SHROOM2: variants seen among roughly 807,000 people sequenced by gnomAD.
SHROOM2 encodes protein Shroom2.
SHROOM2 carries 33 observed loss-of-function variants against 75.9 expected under a neutral mutation model. That is an observed-to-expected ratio of 0.43 (90% confidence interval 0.33 to 0.58). SHROOM2 has a LOEUF of 0.58. SHROOM2 is among the 20% of genes least tolerant of loss of function. The pLI, the probability that SHROOM2 is intolerant of heterozygous loss-of-function variation, is 0.04. For missense variants in SHROOM2, 1,434 were observed against 1,461.2 expected (o/e 0.98, Z 0.30); for synonymous variants, 655 against 663.6 (o/e 0.99, Z 0.20).
intron 2 of SHROOM2, among the ~76,000 whole-genome samples, chrX:9,881,978 G>C: frequency 8.9e-6 from 1 of 111,813 alleles, no homozygotes; most frequent in Non-Finnish European, 1.9e-5. Context: ...ATTATTATGG[G>C]CTTTATGTAA....
chrX:9,930,187 A>T (rs983306365), intron 5 of SHROOM2, among the ~76,000 whole-genome samples: 1 of 111,573 alleles, frequency 9.0e-6, no homozygotes, highest in African/African-American at 3.3e-5. Flanking sequence ...GTGCAAGTGT[A>T]CCTCAACTCT....
At chrX:9,857,004 A>G (rs1036416887) in intron 1 of SHROOM2, among the ~76,000 whole-genome samples, 9 of 112,257 alleles carry the variant, frequency 8.0e-5, no homozygotes, top group Non-Finnish European at 1.5e-4. Context: ...GGATCCTCTG[A>G]TATTAGTAAT....
intron 1 of SHROOM2, among the ~76,000 whole-genome samples, chrX:9,860,542 G>A (rs2084097954): frequency 9.0e-6 from 1 of 111,460 alleles, no homozygotes; most frequent in Admixed American, 9.5e-5. Context: ...TCTTGCCTTA[G>A]CCTCCTGAGT....
intron 3 of SHROOM2, 56 bp downstream of exon 3, chrX:9,891,164 G>T: frequency 8.8e-7 from 1 of 1,134,237 alleles, no homozygotes; most frequent in Middle Eastern, 2.4e-4. Context: ...TGCAGGGAGC[G>T]CACTCCTGAC....
intron 3 of SHROOM2, among the ~76,000 whole-genome samples, chrX:9,892,506 T>G (rs779762413): frequency 4.5e-5 from 5 of 111,528 alleles, no homozygotes; most frequent in African/African-American, 1.6e-4. Context: ...TGAAGTGACT[T>G]AAGGTGATGA....
chrX:9,918,871 T>C (rs1157225097), intron 5 of SHROOM2, among the ~76,000 whole-genome samples: 1 of 111,994 alleles, frequency 8.9e-6, no homozygotes, highest in Non-Finnish European at 1.9e-5. Context: ...GCTCCACCTC[T>C]TCATCCTATC....
At chrX:9,867,590 A>G (rs2084147632) in intron 1 of SHROOM2, among the ~76,000 whole-genome samples, 2 of 111,418 alleles carry the variant, frequency 1.8e-5, no homozygotes, top group Non-Finnish European at 3.8e-5. Context: ...GCTATCACGC[A>G]TGCGGCACCT....
intron 1 of SHROOM2, among the ~76,000 whole-genome samples, chrX:9,804,709 G>A (rs1230483926): frequency 9.0e-6 from 1 of 111,515 alleles, no homozygotes; most frequent in South Asian, 3.8e-4. Context: ...CTGGGTGGCT[G>A]TCCCCAGACC....
chrX:9,926,438 G>A (rs1273075659), intron 5 of SHROOM2, among the ~76,000 whole-genome samples: 2 of 111,776 alleles, frequency 1.8e-5, no homozygotes, highest in African/African-American at 6.5e-5. Context: ...TAGAGACTGG[G>A]CAAGCTGCTG....
At chrX:9,904,769 C>T (rs367727703) in intron 5 of SHROOM2, among the ~76,000 whole-genome samples, 11 of 112,574 alleles carry the variant, frequency 9.8e-5, no homozygotes, top group African/African-American at 3.5e-4. Flanking sequence ...TAGCTTCTTC[C>T]AGCCTCCATT....
intron 1 of SHROOM2, among the ~76,000 whole-genome samples, chrX:9,787,989 CTTCT>C (rs781069171): frequency 0.11 from 8,182 of 75,816 alleles, 413 homozygotes; most frequent in Non-Finnish European, 0.15. Context: ...TTCTTTCTTT[CTTCT>C]TTTTTTTTTT....
At chrX:9,925,934 T>C (rs1033932294) in intron 5 of SHROOM2, among the ~76,000 whole-genome samples, 2 of 111,436 alleles carry the variant, frequency 1.8e-5, no homozygotes, top group Admixed American at 1.9e-4. Flanking sequence ...GGGGTGCCCT[T>C]CCCATCTCAT....
intron 8 of SHROOM2, among the ~76,000 whole-genome samples, chrX:9,942,260 A>T (rs1449361929): frequency 1.8e-5 from 2 of 112,234 alleles, no homozygotes; most frequent in African/African-American, 6.5e-5. Context: ...CGCCACAGCA[A>T]CCAACACAGA....
At chrX:9,832,095 G>C (rs1335675629) in intron 1 of SHROOM2, among the ~76,000 whole-genome samples, 1 of 112,031 alleles carries the variant, frequency 8.9e-6, no homozygotes, top group East Asian at 2.8e-4. Flanking sequence ...TAAGGTCTTC[G>C]CACCTTCTTC....
intron 2 of SHROOM2, among the ~76,000 whole-genome samples, chrX:9,881,697 A>G (rs2084232328): frequency 1.8e-5 from 2 of 112,507 alleles, no homozygotes. Flanking sequence ...GTAACTTTGC[A>G]TTCAGAGGAA....
rs766057891 is a variant in SHROOM2, at chrX:9,937,319, C to T, written c.3773C>T (p.Ser1258Leu). The change falls in exon 7 of 10, where the codon TCG (serine) becomes TTG (leucine). Residue 1258 changes from serine to leucine, a missense_variant. Transcript: ENST00000380913. ...CTGAGCACATCTGAGCAGTTCTACT[C>T]GCGCTTCTGTCTGTACACGCGGCAG... is the stretch of plus-strand genomic sequence containing the variant. ...KTLSTSEQFYSRFCLYTRQGA... is the reference protein window; with the variant it reads ...KTLSTSEQFYLRFCLYTRQGA... 5.0e-6 allele frequency: 6 copies of T among 1,207,909 alleles called. No homozygotes were observed. Among genetic ancestry groups the T allele is most frequent in the East Asian group, 3.0e-5 (1 of 33,570 alleles).
At chrX:9,885,383 CTG>C (rs1191864879) in intron 2 of SHROOM2, among the ~76,000 whole-genome samples, 1 of 109,880 alleles carries the variant, frequency 9.1e-6, no homozygotes, top group Non-Finnish European at 1.9e-5. Flanking sequence ...CTCCACGGGT[CTG>C]TGATTGAGCG....
intron 1 of SHROOM2, among the ~76,000 whole-genome samples, chrX:9,815,798 G>A (rs183414221): frequency 1.2e-4 from 13 of 110,255 alleles, no homozygotes; most frequent in East Asian, 2.9e-4. Flanking sequence ...TCCTTTTCAC[G>A]TCTTTCTGTC....
chrX:9,814,945 T>G (rs1290139660), intron 1 of SHROOM2, among the ~76,000 whole-genome samples: 1 of 111,514 alleles, frequency 9.0e-6, no homozygotes, highest in Non-Finnish European at 1.9e-5. Context: ...TTTCAGCTCT[T>G]TCTCTACAGG....
Sources: gnomAD v4.1 joint callset for allele counts (sites outside exome capture counted in the v4.1 genomes callset) on GRCh38, gnomAD v4.1.1 for gene constraint, MANE v1.5 for transcripts, NCBI Gene and HGNC (gene_info 2026-07-23, HGNC 2026-07-21) for gene names.